NELL1: variants seen among roughly 807,000 people sequenced by gnomAD.
NELL1 encodes neural EGFL like 1, also known as protein kinase C-binding protein NELL1.
A neutral mutation model predicts 107.4 loss-of-function variants in NELL1; 76 were observed. The observed-to-expected ratio is 0.71, with a 90% CI of 0.59 to 0.86. NELL1 has a LOEUF of 0.86. NELL1 is among the 40% of genes least tolerant of loss of function. The pLI is 0.00. For missense variants in NELL1, 1,024 were observed against 1,005.5 expected (o/e 1.02, Z -0.25); for synonymous variants, 353 against 341.2 (o/e 1.03, Z -0.38).
intron 15 of NELL1, among the ~76,000 whole-genome samples, chr11:21,380,044 G>A (rs938403229): frequency 6.6e-6 from 1 of 152,030 alleles, no homozygotes; most frequent in African/African-American, 2.4e-5. Flanking sequence ...GGGCATCTGG[G>A]GGGAGAATGA....
At chr11:21,571,166 G>A (rs564892067) in intron 18 of NELL1, among the ~76,000 whole-genome samples, 1 of 151,908 alleles carries the variant, frequency 6.6e-6, no homozygotes, top group Non-Finnish European at 1.5e-5. Flanking sequence ...CCCAAACAAT[G>A]ACAGTTTACA....
intron 12 of NELL1, among the ~76,000 whole-genome samples, chr11:20,980,263 G>A (rs959954484): frequency 2.6e-5 from 4 of 152,070 alleles, no homozygotes; most frequent in African/African-American, 7.2e-5. Flanking sequence ...GTGCGTTTAC[G>A]TATATTATTT....
At chr11:21,272,166 T>C (rs1232500803) in intron 14 of NELL1, among the ~76,000 whole-genome samples, 1 of 151,980 alleles carries the variant, frequency 6.6e-6, no homozygotes, top group African/African-American at 2.4e-5. Context: ...AAGAAAGGGG[T>C]GACAGACAGC....
intron 12 of NELL1, among the ~76,000 whole-genome samples, chr11:21,019,576 T>G (rs1852650656): frequency 6.6e-6 from 1 of 152,096 alleles, no homozygotes; most frequent in Admixed American, 6.6e-5. Flanking sequence ...CATTTTTTCC[T>G]GTTTCAACCA....
At chr11:20,810,298 G>A (rs910961259) in intron 3 of NELL1, among the ~76,000 whole-genome samples, 2 of 152,032 alleles carry the variant, frequency 1.3e-5, no homozygotes, top group Non-Finnish European at 2.9e-5. Flanking sequence ...GTGGTGATTT[G>A]TGAGATTTTG....
rs180960881 is a variant in NELL1 at position 20,879,282 on chromosome 11, C to T, written c.507-6162C>T. Among the ~76,000 whole-genome samples, 190 of 152,084 alleles carry T rather than the reference C, an allele frequency of 1.2e-3. 1 individual carries two copies. Among genetic ancestry groups the T allele is most frequent in the Non-Finnish European group, 3.8e-4 (26 of 67,982 alleles). On this transcript the variant is annotated intron_variant, in intron 4 of 19. Transcript: ENST00000357134. ...AGCTGAGGAATGCGTCTGAATGGAT[C>T]GTCCAAATGGGGAGGTTCTGAGAGA... is the stretch of plus-strand genomic sequence containing the variant.
At chr11:21,274,211 T>C (rs142771090) in intron 14 of NELL1, among the ~76,000 whole-genome samples, 5,172 of 152,194 alleles carry the variant, frequency 0.034, 309 homozygotes, top group African/African-American at 0.12. Context: ...GAGGAAGATC[T>C]ACCAATCAAA....
At chr11:21,038,126 A>T (rs1853140471) in intron 12 of NELL1, among the ~76,000 whole-genome samples, 1 of 152,170 alleles carries the variant, frequency 6.6e-6, no homozygotes, top group African/African-American at 2.4e-5. Flanking sequence ...CTGGCTTATA[A>T]GCGAACTGCA....
chr11:20,700,601 G>T (rs36007182), intron 2 of NELL1, among the ~76,000 whole-genome samples: 29,588 of 151,774 alleles, frequency 0.19, 3,185 homozygotes, highest in African/African-American at 0.25. Flanking sequence ...GTTGGTGTGC[G>T]GCACCCATTA....
intron 13 of NELL1, among the ~76,000 whole-genome samples, chr11:21,151,963 G>T (rs1856127924): frequency 6.6e-6 from 1 of 152,104 alleles, no homozygotes; most frequent in Non-Finnish European, 1.5e-5. Context: ...GAGGTCTTTT[G>T]CCTCTTCAAA....
At chr11:21,229,511 C>G in intron 14 of NELL1, 57 bp downstream of exon 14, 1 of 1,607,908 alleles carries the variant, frequency 6.2e-7, no homozygotes, top group Admixed American at 1.7e-5. Flanking sequence ...GGGCTCTTGG[C>G]ACTTGTGCGT....
chr11:21,418,736 A>G (rs1031046624), intron 15 of NELL1, among the ~76,000 whole-genome samples: 4 of 152,146 alleles, frequency 2.6e-5, no homozygotes, highest in African/African-American at 9.6e-5. Flanking sequence ...AGTAACTTGT[A>G]TAATTTCTGA....
In NELL1 at chr11:21,169,850, T is replaced by C. The variant is rs150624814; in HGVS notation, c.1426+56136T>C. The C allele has an allele frequency of 2.8e-3, 3,914 of 1,415,678 alleles. 191 individuals are homozygous for C. The African/African-American group carries it at 0.049, about 18-fold the overall frequency. The allele number at this position is 1,415,678 out of a possible 1,614,324, so 87.7% of individuals were successfully genotyped here. ...CGATGCAAGTGCTTGCACCCCAGAGTCCCCCCAGGAAGAGTTGCCATGTCA... is the reference window on the plus strand; with the variant it reads ...CGATGCAAGTGCTTGCACCCCAGAGCCCCCCCAGGAAGAGTTGCCATGTCA... On this transcript the variant is annotated intron_variant, in intron 13 of 19. Coordinates refer to ENST00000357134, the MANE Select transcript of NELL1 (RefSeq NM_006157.5).
intron 12 of NELL1, among the ~76,000 whole-genome samples, chr11:21,050,318 T>C (rs1039935297): frequency 2.0e-5 from 3 of 151,834 alleles, no homozygotes; most frequent in Non-Finnish European, 4.4e-5. Context: ...AGTAAACTAA[T>C]AATTTTAATC....
At chr11:20,855,639 T>C (rs1181060492) in intron 4 of NELL1, among the ~76,000 whole-genome samples, 1 of 152,236 alleles carries the variant, frequency 6.6e-6, no homozygotes, top group African/African-American at 2.4e-5. Context: ...ATATTGATGC[T>C]TGCATCTTAA....
chr11:21,206,858 A>G (rs144317005), intron 13 of NELL1, among the ~76,000 whole-genome samples: 69 of 152,224 alleles, frequency 4.5e-4, no homozygotes, highest in African/African-American at 1.5e-3. Flanking sequence ...TTTTCCTACC[A>G]TGTTTCATCT....
At chr11:21,532,159 G>A (rs1380262705) in intron 15 of NELL1, among the ~76,000 whole-genome samples, 1 of 152,122 alleles carries the variant, frequency 6.6e-6, no homozygotes, top group Non-Finnish European at 1.5e-5. Context: ...CAGGCAAAAT[G>A]GGCTTCTCCA....
At chr11:21,315,406 G>A (rs1280292022) in intron 14 of NELL1, among the ~76,000 whole-genome samples, 1 of 152,106 alleles carries the variant, frequency 6.6e-6, no homozygotes, top group African/African-American at 2.4e-5. Context: ...AGAGACAGTG[G>A]CCAAGGAAAG....
intron 13 of NELL1, among the ~76,000 whole-genome samples, chr11:21,119,897 G>T (rs1174218389): frequency 6.6e-6 from 1 of 151,980 alleles, no homozygotes; most frequent in African/African-American, 2.4e-5. Context: ...CATTAGATAC[G>T]CAGGCAGTTT....
Sources: allele counts gnomAD v4.1 joint callset (sites outside exome capture counted in the v4.1 genomes callset), GRCh38; gene constraint gnomAD v4.1.1; transcripts MANE v1.5; gene names NCBI Gene and HGNC (gene_info 2026-07-23, HGNC 2026-07-21).